The following GRIK4 variants were observed in gnomAD, a reference collection of about 807,000 sequenced individuals.
GRIK4 encodes glutamate receptor ionotropic, kainate 4.
GRIK4 carries 40 observed loss-of-function variants against 104.9 expected under a neutral mutation model. The observed-to-expected ratio is 0.38, with a 90% confidence interval of 0.30 to 0.50. GRIK4 has a LOEUF of 0.50. GRIK4 is among the 20% of genes least tolerant of loss of function. GRIK4 has a pLI of 0.93. For missense variants in GRIK4, 1,047 were observed against 1,308.1 expected (o/e 0.80, Z 3.08); for synonymous variants, 485 against 524.9 (o/e 0.92, Z 1.04).
chr11:120,712,834 C>T (rs926884723), intron 3 of GRIK4, among the ~76,000 whole-genome samples: 3 of 152,170 alleles, frequency 2.0e-5, no homozygotes, highest in South Asian at 2.1e-4. Context: ...ACATTACTTC[C>T]GATCTTCTCT....
chr11:120,744,344 C>T (rs1951398861), intron 3 of GRIK4, among the ~76,000 whole-genome samples: 1 of 152,164 alleles, frequency 6.6e-6, no homozygotes, highest in Admixed American at 6.5e-5. Flanking sequence ...CAGCAAGACC[C>T]ACAACCCCAC....
intron 1 of GRIK4, among the ~76,000 whole-genome samples, chr11:120,618,816 G>C (rs1399739969): frequency 6.6e-6 from 1 of 152,246 alleles, no homozygotes; most frequent in Non-Finnish European, 1.5e-5. Flanking sequence ...GGGAACCTCT[G>C]TCTAGATTTT....
intron 3 of GRIK4, among the ~76,000 whole-genome samples, chr11:120,668,276 AAAG>A (rs988865798): frequency 2.6e-5 from 4 of 151,660 alleles, no homozygotes; most frequent in Non-Finnish European, 5.9e-5. Flanking sequence ...AAGAAAGAAA[AAAG>A]AGAGAAAGAG....
At chr11:120,665,411 CCTT>C (rs1949896250) in intron 3 of GRIK4, among the ~76,000 whole-genome samples, 1 of 152,158 alleles carries the variant, frequency 6.6e-6, no homozygotes, top group Non-Finnish European at 1.5e-5. Flanking sequence ...ATGACTTTCT[CCTT>C]CATCTGTCAC....
intron 3 of GRIK4, among the ~76,000 whole-genome samples, chr11:120,790,813 T>C (rs1478386339): frequency 6.6e-6 from 1 of 151,974 alleles, no homozygotes; most frequent in Non-Finnish European, 1.5e-5. Flanking sequence ...CAGCAGTCTT[T>C]AGTGGGTGAG....
chr11:120,909,187 G>A (rs891099706), intron 13 of GRIK4, among the ~76,000 whole-genome samples: 1 of 152,246 alleles, frequency 6.6e-6, no homozygotes, highest in Admixed American at 6.5e-5. Flanking sequence ...TTGTGGGTCA[G>A]TAGAATGCAG....
intron 1 of GRIK4, among the ~76,000 whole-genome samples, chr11:120,522,167 C>G (rs529338386): frequency 6.6e-6 from 1 of 152,152 alleles, no homozygotes; most frequent in African/African-American, 2.4e-5. Flanking sequence ...GGCAGGCCAT[C>G]GCTGAGTTGG....
intron 3 of GRIK4, among the ~76,000 whole-genome samples, chr11:120,772,646 C>T (rs2846093): frequency 0.75 from 113,136 of 151,410 alleles, 42,738 homozygotes; most frequent in African/African-American, 0.84. Context: ...TATGTGCGCG[C>T]GTGTGTGTGT....
intron 12 of GRIK4, among the ~76,000 whole-genome samples, chr11:120,904,861 T>C (rs1234247158): frequency 6.6e-6 from 1 of 152,198 alleles, no homozygotes; most frequent in African/African-American, 2.4e-5. Flanking sequence ...CTCTTCCCAA[T>C]GCCCTCCTTG....
intron 3 of GRIK4, among the ~76,000 whole-genome samples, chr11:120,687,426 T>C (rs1455447022): frequency 1.3e-5 from 2 of 152,210 alleles, no homozygotes; most frequent in African/African-American, 4.8e-5. Flanking sequence ...TTTTCATCTA[T>C]TTTTTGTATT....
chr11:120,616,946 T>C (rs562796598), intron 1 of GRIK4, among the ~76,000 whole-genome samples: 1 of 152,206 alleles, frequency 6.6e-6, no homozygotes, highest in Non-Finnish European at 1.5e-5. Context: ...GGGACTTTTT[T>C]AAGAGGCTTA....
In GRIK4 at chr11:120,850,000, T is replaced by C. The variant is rs149409700; in HGVS notation, c.745-11959T>C. Among the ~76,000 whole-genome samples, 17 of 152,328 alleles carry C rather than the reference T, an allele frequency of 1.1e-4. No individual in the cohort carries two copies. In the East Asian group the frequency reaches 3.3e-3, roughly 29 times the overall value. On this transcript the variant is annotated intron_variant, in intron 8 of 20. Transcript: ENST00000527524. Reference sequence around the variant, plus strand: ...GGCAGAATCTACTTCCTTGTGGTTATAGGAATGAAATCTGTTTTCTTGCTG... The same window carrying C: ...GGCAGAATCTACTTCCTTGTGGTTACAGGAATGAAATCTGTTTTCTTGCTG...
chr11:120,860,775 C>T (rs897470776), intron 8 of GRIK4, among the ~76,000 whole-genome samples: 6 of 152,174 alleles, frequency 3.9e-5, no homozygotes, highest in African/African-American at 4.8e-5. Context: ...CCACCCTACC[C>T]GCAAACCTTC....
intron 9 of GRIK4, chr11:120,872,029 G>A: frequency 2.5e-6 from 1 of 408,132 alleles, no homozygotes; most frequent in South Asian, 1.8e-5. Flanking sequence ...GTAGCCCCCT[G>A]TCCTTACCAC....
intron 12 of GRIK4, among the ~76,000 whole-genome samples, chr11:120,904,080 A>G (rs1156955491): frequency 2.0e-5 from 3 of 152,092 alleles, no homozygotes; most frequent in African/African-American, 7.2e-5. Context: ...GGTTCTCCCC[A>G]GGGCCTCTTC....
chr11:120,880,435 G>A (rs1954934939), intron 11 of GRIK4, among the ~76,000 whole-genome samples: 1 of 152,220 alleles, frequency 6.6e-6, no homozygotes, highest in Non-Finnish European at 1.5e-5. Context: ...AAGAAGTCAT[G>A]TATCTACATT....
At chr11:120,946,007 A>G (rs1212574428) in intron 14 of GRIK4, among the ~76,000 whole-genome samples, 2 of 152,220 alleles carry the variant, frequency 1.3e-5, no homozygotes, top group Non-Finnish European at 2.9e-5. Flanking sequence ...TCTCCTTGTA[A>G]TGATAAGTTT....
chr11:120,765,937 A>G (rs1178721919), intron 3 of GRIK4, among the ~76,000 whole-genome samples: 1 of 152,242 alleles, frequency 6.6e-6, no homozygotes, highest in South Asian at 2.1e-4. Flanking sequence ...GGTCAGGGAC[A>G]CACTTGAGAA....
At chr11:120,515,132 T>C (rs2243746) in intron 1 of GRIK4, 267,099 of 435,272 alleles carry the variant, frequency 0.61, 84,725 homozygotes, top group African/African-American at 0.88. Flanking sequence ...CCCCCTCCCC[T>C]GGCCACCCAG....
Sources: allele counts gnomAD v4.1 joint callset (sites outside exome capture counted in the v4.1 genomes callset), GRCh38; gene constraint gnomAD v4.1.1; transcripts MANE v1.5; gene names NCBI Gene and HGNC (gene_info 2026-07-23, HGNC 2026-07-21).